KHDC1: variants seen among roughly 807,000 people sequenced by gnomAD.
The protein encoded by KHDC1 is KH domain containing 1, also known as KH homology domain-containing protein 1.
Under a neutral mutation model 24.7 loss-of-function variants are expected in KHDC1, and 21 were observed. The observed-to-expected ratio is 0.85, with a 90% confidence interval of 0.60 to 1.23. The LOEUF (loss-of-function observed/expected upper bound fraction) is 1.23, where lower values mean the gene tolerates loss of function less well. Ranked by LOEUF, KHDC1 falls within the 50% of genes most tolerant of loss-of-function variation. The probability of loss-of-function intolerance (pLI) is 0.00; values close to 1 mark genes in which losing one functional copy is unlikely to be tolerated. For synonymous variants in KHDC1, 98 were observed against 111.7 expected (o/e 0.88, Z 0.77); for missense variants, 274 against 298.5 (o/e 0.92, Z 0.61).
chr6:73,286,619 C>T (rs945304978), intron 2 of KHDC1, among the ~76,000 whole-genome samples: 1 of 152,130 alleles, frequency 6.6e-6, no homozygotes, highest in Non-Finnish European at 1.5e-5. Flanking sequence ...TGGTGGCTCA[C>T]GTCTACAATC....
intron 2 of KHDC1, among the ~76,000 whole-genome samples, chr6:73,286,827 G>A (rs1042196643): frequency 2.6e-5 from 4 of 151,116 alleles, no homozygotes; most frequent in African/African-American, 9.7e-5. Context: ...AGATTGCAGT[G>A]AGCTGAGTTC....
intron 2 of KHDC1, among the ~76,000 whole-genome samples, chr6:73,270,979 C>T (rs1274661956): frequency 1.3e-5 from 2 of 151,968 alleles, no homozygotes; most frequent in African/African-American, 2.4e-5. Context: ...CGTGAGCCAC[C>T]GCGCCCGGCC....
chr6:73,287,593 T>C (rs1347927070), intron 2 of KHDC1, among the ~76,000 whole-genome samples: 1 of 152,168 alleles, frequency 6.6e-6, no homozygotes, highest in Non-Finnish European at 1.5e-5. Flanking sequence ...GACCTGGCAA[T>C]GCTATGGCAG....
At chr6:73,271,375 A>G (rs1171665997) in intron 2 of KHDC1, among the ~76,000 whole-genome samples, 1 of 150,850 alleles carries the variant, frequency 6.6e-6, no homozygotes, top group African/African-American at 2.4e-5. Context: ...ACACCTGGCT[A>G]ATTTTGTATT....
intron 2 of KHDC1, among the ~76,000 whole-genome samples, chr6:73,250,842 C>T (rs1766766233): frequency 6.6e-6 from 1 of 152,270 alleles, no homozygotes; most frequent in Admixed American, 6.5e-5. Flanking sequence ...TATTAAGCAT[C>T]AAATAATTTT....
At chr6:73,257,649 G>A (rs990717082) in intron 2 of KHDC1, among the ~76,000 whole-genome samples, 1 of 151,760 alleles carries the variant, frequency 6.6e-6, no homozygotes, top group African/African-American at 2.4e-5. Context: ...CACCTGCCTC[G>A]GCCTCCCAAA....
intron 1 of KHDC1, among the ~76,000 whole-genome samples, chr6:73,298,123 G>A (rs1009751399): frequency 2.0e-5 from 3 of 152,012 alleles, no homozygotes; most frequent in Admixed American, 2.0e-4. Flanking sequence ...CTGGGAGGCA[G>A]AGGTTGCAGT....
chr6:73,284,044 G>C (rs1193871241), intron 2 of KHDC1, among the ~76,000 whole-genome samples: 1 of 151,760 alleles, frequency 6.6e-6, no homozygotes. Flanking sequence ...AACTAACCTT[G>C]GGAGGAGTTT....
chr6:73,281,824 A>C (rs961974808), intron 2 of KHDC1, among the ~76,000 whole-genome samples: 1 of 152,022 alleles, frequency 6.6e-6, no homozygotes, highest in Middle Eastern at 3.2e-3. Flanking sequence ...TTTAGTCATC[A>C]TGTCTCCTTA....
At chr6:73,296,056 C>T (rs1355157190) in intron 1 of KHDC1, among the ~76,000 whole-genome samples, 5 of 151,854 alleles carry the variant, frequency 3.3e-5, no homozygotes, top group African/African-American at 9.7e-5. Flanking sequence ...GCAGGAGAAT[C>T]GCTTGAGCCT....
chr6:73,245,685 G>A (rs1385674183), intron 2 of KHDC1, among the ~76,000 whole-genome samples: 1 of 152,152 alleles, frequency 6.6e-6, no homozygotes, highest in Non-Finnish European at 1.5e-5. Flanking sequence ...GGTACAGCAA[G>A]TGTGTTTATT....
At chr6:73,262,634 T>G in intron 2 of KHDC1, 140 bp downstream of exon 1, 3 of 386,236 alleles carry the variant, frequency 7.8e-6, no homozygotes, top group Non-Finnish European at 9.3e-6. Flanking sequence ...AGTCACACGA[T>G]CTGTTTTAAT....
At chr6:73,265,933 T>C (rs973168004) in intron 2 of KHDC1, among the ~76,000 whole-genome samples, 4 of 152,030 alleles carry the variant, frequency 2.6e-5, no homozygotes, top group Non-Finnish European at 5.9e-5. Context: ...TTTCTTTTTT[T>C]TGGGGGGAGA....
chr6:73,293,342 T>G (rs540249213), intron 1 of KHDC1: 14 of 496,586 alleles, frequency 2.8e-5, no homozygotes, highest in African/African-American at 2.8e-4. Context: ...AACTATTATA[T>G]AAAGGGTGAC....
At chr6:73,285,626 G>A (rs1369041332) in intron 2 of KHDC1, among the ~76,000 whole-genome samples, 1 of 151,022 alleles carries the variant, frequency 6.6e-6, no homozygotes, top group Non-Finnish European at 1.5e-5. Context: ...GAGTCACTGT[G>A]CCCGGCCCAT....
intron 2 of KHDC1, among the ~76,000 whole-genome samples, chr6:73,286,741 G>T (rs1297350123): frequency 6.6e-6 from 1 of 152,056 alleles, no homozygotes; most frequent in East Asian, 1.9e-4. Flanking sequence ...AAATTAGCTG[G>T]GCATGGTAGC....
intron 1 of KHDC1, among the ~76,000 whole-genome samples, chr6:73,298,047 C>G (rs776571879): frequency 8.6e-5 from 13 of 151,934 alleles, no homozygotes; most frequent in Non-Finnish European, 1.5e-4. Context: ...TAAAATTAGC[C>G]GGGCATGGTG....
At chr6:73,307,301 G>A (rs542439249) in intron 1 of KHDC1, among the ~76,000 whole-genome samples, 12 of 151,832 alleles carry the variant, frequency 7.9e-5, no homozygotes, top group East Asian at 2.0e-4. Flanking sequence ...GATGCCGGGC[G>A]CCTGTAATCC....
intron 1 of KHDC1, among the ~76,000 whole-genome samples, chr6:73,298,377 CAA>C (rs1004201498): frequency 1.3e-5 from 2 of 150,220 alleles, no homozygotes; most frequent in Non-Finnish European, 2.9e-5. Context: ...TAGGCTATTC[CAA>C]TATAGACTAA....
Sources: gnomAD v4.1 joint callset for allele counts (sites outside exome capture counted in the v4.1 genomes callset) on GRCh38, gnomAD v4.1.1 for gene constraint, MANE v1.5 for transcripts, NCBI Gene and HGNC (gene_info 2026-07-23, HGNC 2026-07-21) for gene names.